Variants in ADAMTS10 observed in about 807,000 individuals in gnomAD.
The protein encoded by ADAMTS10 is ADAM metallopeptidase with thrombospondin type 1 motif 10, also known as A disintegrin and metalloproteinase with thrombospondin motifs 10.
A neutral mutation model predicts 135.9 loss-of-function variants in ADAMTS10; 48 were observed. The observed-to-expected ratio is 0.35, with a 90% CI of 0.28 to 0.45. ADAMTS10 has a LOEUF of 0.45. Ranked by LOEUF, ADAMTS10 falls within the 20% of genes least tolerant of loss-of-function variation. The pLI is 1.00. For synonymous variants in ADAMTS10, 621 were observed against 647.5 expected (o/e 0.96, Z 0.62); for missense variants, 1,131 against 1,565.2 (o/e 0.72, Z 4.68).
At chr19:8,600,500 C>CTTTTTTTTTTT (rs797035354) in intron 6 of ADAMTS10, among the ~76,000 whole-genome samples, 2 of 129,822 alleles carry the variant, frequency 1.5e-5, no homozygotes, top group South Asian at 2.6e-4. Context: ...TCTTTCTTTT[C>CTTTTTTTTTTT]TTTTTTTTTT....
chr19:8,607,836 G>A (rs1398977030), intron 2 of ADAMTS10, among the ~76,000 whole-genome samples: 1 of 150,040 alleles, frequency 6.7e-6, no homozygotes, highest in Non-Finnish European at 1.5e-5. Flanking sequence ...TTTTGAGACG[G>A]AGTCTCACTC....
intron 25 of ADAMTS10, among the ~76,000 whole-genome samples, chr19:8,581,831 T>C (rs540505964): frequency 3.7e-4 from 52 of 142,410 alleles, no homozygotes; most frequent in Admixed American, 2.0e-3. Flanking sequence ...CGAGACTCTG[T>C]CACAAAACAA....
At position 8,594,968 on chromosome 19, in the gene ADAMTS10, G is replaced by A. The variant is rs367573049; in HGVS notation, c.1479+794C>T. Among the ~76,000 whole-genome samples the A allele has an allele frequency of 9.9e-5, 15 of 152,220 alleles. No homozygotes were observed. The South Asian group carries it at 3.1e-3, about 32-fold the overall frequency. ...CTGTCTTGCAGTGGAATGAAGGGAG[G>A]GCAATTTGGCAGCTGCTTGCCCTCT... On this transcript the variant is annotated intron_variant, in intron 12 of 25. Transcript: ENST00000597188.
intron 5 of ADAMTS10, 41 bp downstream of exon 5, chr19:8,603,687 A>G: frequency 6.2e-7 from 1 of 1,613,094 alleles, no homozygotes; most frequent in East Asian, 2.2e-5. Context: ...AGGGAAAGAT[A>G]CTGTGTAGCC....
At chr19:8,600,827 C>T (rs1473117985) in intron 6 of ADAMTS10, 101 bp downstream of exon 6, 21 of 1,418,908 alleles carry the variant, frequency 1.5e-5, no homozygotes, top group East Asian at 6.8e-5. Flanking sequence ...CCTGTCCCCA[C>T]GTCAGGGATT....
chr19:8,596,855 G>C lies in ADAMTS10; in HGVS notation c.1040+132C>G. 7.0e-7 allele frequency: 1 copy of C among 1,427,394 alleles called. No homozygotes were observed. Among genetic ancestry groups the C allele is most frequent in the Non-Finnish European group, 9.6e-7 (1 of 1,037,302 alleles). 88.4% of individuals were successfully genotyped at this position (1,427,394 alleles called of 1,614,324 possible). On this transcript the variant is annotated intron_variant, in intron 8 of 25. Transcript: ENST00000597188. This position sits in a 1 kb window ranked among gnomAD's most constrained non-coding sequence, Gnocchi z 7.2. ...CTCAAGCAGCCCCTCCCCATCCCTGGCTCCCTCATGGGCAGCCCAAACTTC... is the reference window on the plus strand; with the variant it reads ...CTCAAGCAGCCCCTCCCCATCCCTGCCTCCCTCATGGGCAGCCCAAACTTC...
chr19:8,591,941 G>C lies in ADAMTS10; in HGVS notation c.1733+17C>G. The C allele has an allele frequency of 6.2e-7, 1 of 1,612,160 alleles. No individual in the cohort carries two copies. The highest frequency in any genetic ancestry group is 1.1e-5 in the South Asian group (1 of 91,044). On this transcript the variant is annotated intron_variant, in intron 14 of 25. Coordinates refer to ENST00000597188, the MANE Select transcript of ADAMTS10 (RefSeq NM_030957.4). Reference sequence around the variant, plus strand: ...GGGGTCGCGCTGCCCTCCCGGGTGGGGGTCCTGAGGGCTGACCTGGGGCTG... The same window carrying C: ...GGGGTCGCGCTGCCCTCCCGGGTGGCGGTCCTGAGGGCTGACCTGGGGCTG...
intron 2 of ADAMTS10, among the ~76,000 whole-genome samples, chr19:8,606,835 G>A (rs931573456): frequency 1.3e-5 from 2 of 152,124 alleles, no homozygotes; most frequent in South Asian, 2.1e-4. Context: ...TAGCCCTGTG[G>A]GGTTCCATCT....
In ADAMTS10 at chr19:8,589,296, C is replaced by T. The variant is rs782780252; in HGVS notation, c.2104G>A (p.Gly702Ser). ...EDKCRVCGGD[G>S]SACETIEGVF... ...CCCTCGATGGTCTCGCAGGCACTGC[C>T]GTCACCGCCACACACTCGGCACTTG... The change falls in exon 18 of 26, where the codon GGC (glycine) becomes AGC (serine). Residue 702 changes from glycine (G) to serine (S), a missense_variant. Physicochemically the swap from Gly to Ser is moderately conservative, Grantham distance 56. Coordinates refer to ENST00000597188, the MANE Select transcript of ADAMTS10 (RefSeq NM_030957.4). The T allele has an allele frequency of 2.0e-5, 33 of 1,612,350 alleles. No individual in the cohort carries two copies. Among genetic ancestry groups the T allele is most frequent in the South Asian group, 4.4e-5 (4 of 91,080 alleles).
chr19:8,585,839 G>C (rs141257262), intron 22 of ADAMTS10, among the ~76,000 whole-genome samples, 179 bp from the exon 23 acceptor site: 63 of 152,284 alleles, frequency 4.1e-4, no homozygotes, highest in African/African-American at 1.3e-3. Context: ...ACTGGGGGCA[G>C]AGAGGTGCAT....
chr19:8,602,680 C>A (rs1367363269), intron 5 of ADAMTS10, among the ~76,000 whole-genome samples: 1 of 152,114 alleles, frequency 6.6e-6, no homozygotes, highest in Non-Finnish European at 1.5e-5. Context: ...CGCTGGAGTG[C>A]AGTGGTGTGA....
intron 12 of ADAMTS10, among the ~76,000 whole-genome samples, chr19:8,594,335 A>G (rs181918407): frequency 3.5e-4 from 54 of 152,298 alleles, no homozygotes; most frequent in African/African-American, 1.3e-3. Flanking sequence ...ATAGATAAGA[A>G]AGGACTTGCA....
intron 4 of ADAMTS10, 98 bp from the exon 5 acceptor site, chr19:8,603,982 C>G: frequency 2.4e-6 from 3 of 1,272,402 alleles, no homozygotes; most frequent in Non-Finnish European, 3.2e-6. Flanking sequence ...TCATTCTTAT[C>G]AGGTTTATTT....
chr19:8,580,856 G>C lies in ADAMTS10; in HGVS notation c.*37C>G. The stretch of plus-strand genomic sequence containing the variant: ...GGCCCGCTGCAGGGCTGGCGGCGGA[G>C]ACCCCGCCAGCTGTGGCTCCGGGTG... On this transcript the variant is annotated 3_prime_UTR_variant, in exon 26 of 26. Transcript: ENST00000597188. 1 of 1,521,010 alleles carries C rather than the reference G, an allele frequency of 6.6e-7. No individual in the cohort carries two copies. Among genetic ancestry groups the C allele is most frequent in the Non-Finnish European group, 9.0e-7 (1 of 1,116,918 alleles). The allele number at this position is 1,521,010 out of a possible 1,614,324, so 94.2% of individuals were successfully genotyped here.
chr19:8,600,834 G>T, intron 6 of ADAMTS10, 94 bp downstream of exon 6: 1 of 1,469,958 alleles, frequency 6.8e-7, no homozygotes, highest in Non-Finnish European at 9.5e-7. Flanking sequence ...CCACGTCAGG[G>T]ATTGGGGTGG....
chr19:8,598,686 A>T (rs28550332), intron 6 of ADAMTS10, among the ~76,000 whole-genome samples: 63,022 of 147,536 alleles, frequency 0.43, 14,456 homozygotes, highest in East Asian at 0.81. Context: ...GCGATTCTCC[A>T]GCCTCAGCCT....
At position 8,597,260 on chromosome 19, in the gene ADAMTS10, G is replaced by A. The variant is rs1555740504; in HGVS notation, c.868C>T (p.Arg290Cys). Residue 290 changes from arginine (R) to cysteine (C), a missense_variant, in exon 7 of 26, where the codon CGC (arginine) becomes TGC (cysteine). By Grantham distance (180) the Arg-to-Cys change is radical (BLOSUM62 -3). Around this residue, in one of 3 missense-constraint regions of ADAMTS10, gnomAD observed 80 missense variants for 164.4 expected, o/e 0.49. Transcript: ENST00000597188. The stretch of plus-strand genomic sequence containing the variant: ...TGGTCCTCCGTGAGCAGGATGAGGC[G>A]AGTTACGAGGATGTTAACGGTGCTT... ...LGSTVNILVT[R>C]LILLTEDQPT... 2 of 1,614,072 alleles carry A rather than the reference G, an allele frequency of 1.2e-6. No individual in the cohort carries two copies. Among genetic ancestry groups the A allele is most frequent in the African/African-American group, 2.7e-5 (2 of 74,928 alleles).
chr19:8,585,073 C>T lies in ADAMTS10; in HGVS notation c.3043-19G>A. 6.6e-7 allele frequency: 1 copy of T among 1,510,588 alleles called. No individual in the cohort carries two copies. The highest frequency in any genetic ancestry group is 8.8e-7 in the Non-Finnish European group (1 of 1,132,020). The allele number at this position is 1,510,588 out of a possible 1,614,324, so 93.6% of individuals were successfully genotyped here. ...CAGAGCACTGCGAGGGGGCACCACT[C>T]AGTTGCTGCCCCGCAGCCCCTGCCC... is the stretch of plus-strand genomic sequence containing the variant. On this transcript the variant is annotated intron_variant, in intron 24 of 25. Transcript: ENST00000597188.
In ADAMTS10 at chr19:8,601,425, G is replaced by A. The variant is rs1388959446; in HGVS notation, c.593-280C>T. 1.3e-5 allele frequency among the ~76,000 whole-genome samples: 2 copies of A among 150,020 alleles called. No individual in the cohort carries two copies. The highest frequency in any genetic ancestry group is 2.5e-5 in the African/African-American group (1 of 40,598). ...CACCCAGGCTGGACTGCAGTGGTGC[G>A]ATCTTGGCTCACTGAAACCTCTGCC... On this transcript the variant is annotated intron_variant, in intron 5 of 25. Transcript: ENST00000597188. This position sits in a 1 kb window ranked among gnomAD's most constrained non-coding sequence, Gnocchi z 4.6.
Sources: gnomAD v4.1 joint callset for allele counts (sites outside exome capture counted in the v4.1 genomes callset) on GRCh38, gnomAD v4.1.1 for gene constraint, gnomAD v4.1.1 regional missense constraint, Gnocchi (gnomAD v3.1) non-coding constraint, MANE v1.5 for transcripts, NCBI Gene and HGNC (gene_info 2026-07-23, HGNC 2026-07-21) for gene names.